Variants in TMEM132D observed in about 807,000 individuals in gnomAD.
The protein encoded by TMEM132D is mature OL transmembrane protein.
A neutral mutation model predicts 62.3 loss-of-function variants in TMEM132D; 21 were observed. That is an observed-to-expected ratio of 0.34 (90% CI 0.24 to 0.49). The LOEUF (loss-of-function observed/expected upper bound fraction) is 0.49, where lower values mean the gene tolerates loss of function less well. Ranked by LOEUF, TMEM132D falls within the 20% of genes least tolerant of loss-of-function variation. The probability of loss-of-function intolerance (pLI) is 0.99; values close to 1 mark genes in which losing one functional copy is unlikely to be tolerated. For missense variants in TMEM132D, 1,346 were observed against 1,402.8 expected, an observed-to-expected ratio of 0.96 and a Z score of 0.65; for synonymous variants, 621 against 575.6, an observed-to-expected ratio of 1.08 and a Z score of -1.13.
intron 4 of TMEM132D, among the ~76,000 whole-genome samples, chr12:129,235,631 A>G (rs539931715): frequency 2.4e-4 from 37 of 152,314 alleles, no homozygotes; most frequent in African/African-American, 8.7e-4. Flanking sequence ...GGCCTCATTT[A>G]GGATATTATA....
intron 2 of TMEM132D, among the ~76,000 whole-genome samples, chr12:129,576,438 A>G (rs1877660494): frequency 6.6e-6 from 1 of 151,894 alleles, no homozygotes; most frequent in Non-Finnish European, 1.5e-5. Context: ...ATGTGTGTCT[A>G]TAAGTATGTG....
At chr12:129,797,956 G>T (rs947130443) in intron 1 of TMEM132D, among the ~76,000 whole-genome samples, 2 of 152,192 alleles carry the variant, frequency 1.3e-5, no homozygotes, top group Admixed American at 1.3e-4. Flanking sequence ...TGGATCATGG[G>T]GATGGATTTC....
rs142848354 is a variant in TMEM132D at position 129,728,018 on chromosome 12, T to C, written c.80-27320A>G. On this transcript the variant is annotated intron_variant, in intron 1 of 8. Transcript: ENST00000422113. Reference sequence around the variant, plus strand: ...ATCCAGCTTTTCTCTACCAGGTCCATTATGCTGTCTCTATTTTTGCATCTC... The same window carrying C: ...ATCCAGCTTTTCTCTACCAGGTCCACTATGCTGTCTCTATTTTTGCATCTC... 5.3e-5 allele frequency among the ~76,000 whole-genome samples: 8 copies of C among 152,318 alleles called. No individual in the cohort carries two copies. The East Asian group carries it at 1.4e-3, about 26-fold the overall frequency.
intron 2 of TMEM132D, among the ~76,000 whole-genome samples, chr12:129,545,334 A>G (rs1876703194): frequency 6.6e-6 from 1 of 152,096 alleles, no homozygotes; most frequent in Admixed American, 6.5e-5. Flanking sequence ...TTGTTACAGG[A>G]GACATCCAGT....
chr12:129,583,081 T>C (rs1202450194), intron 2 of TMEM132D, among the ~76,000 whole-genome samples: 2 of 152,216 alleles, frequency 1.3e-5, no homozygotes, highest in African/African-American at 4.8e-5. Flanking sequence ...GTGCTGGGAT[T>C]ACAGGCGTGA....
rs1023214854 is a variant in TMEM132D at position 129,531,277 on chromosome 12, C to T, written c.969-72G>A. ...CCGGGTCATGCTGGTTCTGGGAACACGGGGAGCTTAATTGCTCACCGTTGC... is the reference window on the plus strand; with the variant it reads ...CCGGGTCATGCTGGTTCTGGGAACATGGGGAGCTTAATTGCTCACCGTTGC... On this transcript the variant is annotated intron_variant, in intron 2 of 8. Transcript: ENST00000422113. 73 of 1,494,244 alleles carry T rather than the reference C, an allele frequency of 4.9e-5. No homozygotes were observed. The Middle Eastern group carries it at 1.0e-3, about 21-fold the overall frequency. 92.6% of individuals were successfully genotyped at this position (1,494,244 alleles called of 1,614,324 possible).
In TMEM132D at chr12:129,323,594, C is replaced by T. The variant is rs567648034; in HGVS notation, c.1299+14040G>A. Among the ~76,000 whole-genome samples, 14 of 152,236 alleles carry T rather than the reference C, an allele frequency of 9.2e-5. No homozygotes were observed. The South Asian group carries it at 1.9e-3, about 20-fold the overall frequency. On this transcript the variant is annotated intron_variant, in intron 4 of 8. Transcript: ENST00000422113. ...AAACACTGTTACATGTTTGTCAAAT[C>T]CTTTTTGATGGGAAGTTCACAGGTT...
intron 3 of TMEM132D, among the ~76,000 whole-genome samples, chr12:129,465,914 C>G (rs1873875975): frequency 6.6e-6 from 1 of 152,146 alleles, no homozygotes; most frequent in Non-Finnish European, 1.5e-5. Context: ...AATTCCTGAC[C>G]TCAAGTGATC....
intron 3 of TMEM132D, among the ~76,000 whole-genome samples, chr12:129,443,267 T>C (rs1045447750): frequency 6.6e-6 from 1 of 152,176 alleles, no homozygotes; most frequent in Admixed American, 6.5e-5. Flanking sequence ...GACAAGTGTG[T>C]CTTTCAGCAA....
At chr12:129,476,686 G>GGA (rs1457295880) in intron 3 of TMEM132D, among the ~76,000 whole-genome samples, 1 of 152,134 alleles carries the variant, frequency 6.6e-6, no homozygotes, top group East Asian at 1.9e-4. Context: ...CGACATTCTG[G>GGA]GAGAGAGATG....
chr12:129,597,509 C>T (rs1246495835), intron 2 of TMEM132D, among the ~76,000 whole-genome samples: 2 of 152,102 alleles, frequency 1.3e-5, no homozygotes, highest in Non-Finnish European at 2.9e-5. Flanking sequence ...TCCCCAGAAG[C>T]AAATAACATT....
At chr12:129,717,155 C>T (rs1418766441) in intron 1 of TMEM132D, among the ~76,000 whole-genome samples, 1 of 152,222 alleles carries the variant, frequency 6.6e-6, no homozygotes, top group Non-Finnish European at 1.5e-5. Flanking sequence ...ACCTGAACAA[C>T]CGTACACGAC....
intron 1 of TMEM132D, among the ~76,000 whole-genome samples, chr12:129,795,283 C>T (rs748068939): frequency 3.3e-5 from 5 of 152,160 alleles, no homozygotes; most frequent in Admixed American, 6.5e-5. Context: ...TGCCGGCTCA[C>T]GGAAGCCCTC....
intron 2 of TMEM132D, among the ~76,000 whole-genome samples, chr12:129,699,218 CTT>C (rs1374130538): frequency 2.0e-5 from 3 of 152,196 alleles, no homozygotes; most frequent in African/African-American, 7.2e-5. Flanking sequence ...AATGTCTTCT[CTT>C]TGGTATATTC....
At chr12:129,257,505 G>C (rs150476664) in intron 4 of TMEM132D, among the ~76,000 whole-genome samples, 3 of 152,144 alleles carry the variant, frequency 2.0e-5, no homozygotes, top group Admixed American at 2.0e-4. Flanking sequence ...CACTGTGCCC[G>C]GCCCATCCCC....
chr12:129,687,388 A>C lies in TMEM132D; in HGVS notation c.968+12422T>G, dbSNP rs554556044. ...GAGGAGTCTGCAGTGAACATCTGTCATGTTTTAGTCACCCAGGTTCTATGC... is the reference window on the plus strand; with the variant it reads ...GAGGAGTCTGCAGTGAACATCTGTCCTGTTTTAGTCACCCAGGTTCTATGC... On this transcript the variant is annotated intron_variant, in intron 2 of 8. Coordinates refer to ENST00000422113, the MANE Select transcript of TMEM132D (RefSeq NM_133448.3). 4.6e-5 allele frequency among the ~76,000 whole-genome samples: 7 copies of C among 152,102 alleles called. No homozygotes were observed. The East Asian group carries it at 1.4e-3, about 30-fold the overall frequency.
chr12:129,269,356 C>CCTCCCTCCCTGATACTTTTT (rs1880789463), intron 4 of TMEM132D, among the ~76,000 whole-genome samples: 2 of 152,130 alleles, frequency 1.3e-5, no homozygotes, highest in African/African-American at 4.8e-5. Flanking sequence ...TGATACTTTT[C>CCTCCCTCCCTGATACTTTTT]CTCCCTCCCT....
At chr12:129,444,890 A>T (rs531267836) in intron 3 of TMEM132D, among the ~76,000 whole-genome samples, 1 of 152,330 alleles carries the variant, frequency 6.6e-6, no homozygotes, top group African/African-American at 2.4e-5. Context: ...TGGAAATGTA[A>T]ACTAGTTCAA....
intron 4 of TMEM132D, among the ~76,000 whole-genome samples, chr12:129,321,683 C>G (rs1211734446): frequency 6.6e-6 from 1 of 152,074 alleles, no homozygotes; most frequent in Non-Finnish European, 1.5e-5. Flanking sequence ...CAGCCTCCCC[C>G]GACTAGCTGG....
Sources: gnomAD v4.1 joint callset for allele counts (sites outside exome capture counted in the v4.1 genomes callset) on GRCh38, gnomAD v4.1.1 for gene constraint, MANE v1.5 for transcripts, NCBI Gene and HGNC (gene_info 2026-07-23, HGNC 2026-07-21) for gene names.